The following SLC60A1 variants were observed in gnomAD, a reference collection of about 807,000 sequenced individuals.
SLC60A1 encodes major facilitator superfamily domain containing 4.
the SLC60A1 span, among the ~76,000 whole-genome samples, chr1:205,584,659 G>C: frequency 6.6e-6 from 1 of 151,520 alleles, no homozygotes; most frequent in African/African-American, 2.4e-5. Context: ...CTTGCCTTTT[G>C]TTACCTTGGG....
At chr1:205,599,001 T>C in the SLC60A1 span, 1 of 1,220,922 alleles carries the variant, frequency 8.2e-7, no homozygotes, top group Non-Finnish European at 1.2e-6. Context: ...TCCCCGTGAT[T>C]CCATCTCTTG....
the SLC60A1 span, among the ~76,000 whole-genome samples, chr1:205,590,997 C>T: frequency 6.6e-6 from 1 of 152,192 alleles, no homozygotes; most frequent in East Asian, 1.9e-4. Context: ...CTTCTGGGTT[C>T]CACAGCTGGT....
chr1:205,587,751 G>A, the SLC60A1 span, among the ~76,000 whole-genome samples: 11 of 152,128 alleles, frequency 7.2e-5, no homozygotes, highest in African/African-American at 1.9e-4. Flanking sequence ...GCTCAGCAAG[G>A]AGGAAGGCCC....
the SLC60A1 span, among the ~76,000 whole-genome samples, chr1:205,576,988 C>T: frequency 1.3e-5 from 2 of 152,144 alleles, no homozygotes; most frequent in Non-Finnish European, 2.9e-5. Context: ...CTCTTTATCC[C>T]TCCCTCCTGC....
the SLC60A1 span, chr1:205,600,726 G>T: frequency 4.4e-6 from 2 of 453,152 alleles, no homozygotes; most frequent in Non-Finnish European, 8.0e-6. Context: ...TGGGAAGGAA[G>T]GAGACAGCCG....
the SLC60A1 span, chr1:205,584,793 G>T: frequency 7.7e-7 from 1 of 1,293,678 alleles, no homozygotes; most frequent in South Asian, 1.2e-5. Context: ...GGGCTCTTCT[G>T]ACTGCCAGCC....
chr1:205,590,103 G>A, the SLC60A1 span, among the ~76,000 whole-genome samples: 1 of 152,184 alleles, frequency 6.6e-6, no homozygotes, highest in East Asian at 1.9e-4. Flanking sequence ...GTCATCCAGG[G>A]ACTGACTATA....
At chr1:205,577,988 A>G in the SLC60A1 span, among the ~76,000 whole-genome samples, 1 of 152,164 alleles carries the variant, frequency 6.6e-6, no homozygotes, top group African/African-American at 2.4e-5. The surrounding 1 kb of genome is among the most constrained non-coding windows in gnomAD (Gnocchi z 5.2). Context: ...TTCCTTTCCC[A>G]TACCTCTGCG....
the SLC60A1 span, among the ~76,000 whole-genome samples, chr1:205,577,461 GGTGGTGGAGCCAGCA>G: frequency 6.6e-6 from 1 of 152,242 alleles, no homozygotes; most frequent in South Asian, 2.1e-4. This position sits in a 1 kb window ranked among gnomAD's most constrained non-coding sequence, Gnocchi z 5.2. Context: ...TGGGGAAGCT[GGTGGTGGAGCCAGCA>G]GTGATGCTCG....
At chr1:205,582,051 G>C in the SLC60A1 span, among the ~76,000 whole-genome samples, 1 of 152,092 alleles carries the variant, frequency 6.6e-6, no homozygotes, top group African/African-American at 2.4e-5. Context: ...CCTTTCCCTG[G>C]CCCGAATCTC....
chr1:205,590,285 G>A, the SLC60A1 span, among the ~76,000 whole-genome samples: 1 of 152,242 alleles, frequency 6.6e-6, no homozygotes, highest in African/African-American at 2.4e-5. Flanking sequence ...AGAGTGAACA[G>A]AGGGGAAAGC....
At chr1:205,598,910 C>G in the SLC60A1 span, 3 of 584,040 alleles carry the variant, frequency 5.1e-6, no homozygotes, top group Non-Finnish European at 9.0e-6. Context: ...CAGGGGGTCA[C>G]CAGGTCCAGT....
At chr1:205,585,254 C>T in the SLC60A1 span, among the ~76,000 whole-genome samples, 1 of 152,176 alleles carries the variant, frequency 6.6e-6, no homozygotes, top group East Asian at 1.9e-4. The surrounding 1 kb of genome is among the most constrained non-coding windows in gnomAD (Gnocchi z 4.2). Flanking sequence ...AGGGGCCTAA[C>T]TGGTCTGTTG....
At chr1:205,583,158 G>T in the SLC60A1 span, among the ~76,000 whole-genome samples, 1 of 152,202 alleles carries the variant, frequency 6.6e-6, no homozygotes, top group African/African-American at 2.4e-5. Flanking sequence ...ACAAGCAGGG[G>T]CCCCTGAGGG....
At chr1:205,586,335 G>A in the SLC60A1 span, 3 of 1,153,982 alleles carry the variant, frequency 2.6e-6, no homozygotes, top group South Asian at 2.7e-5. Flanking sequence ...GGAGTAGAGG[G>A]AAGAGAGGAG....
At chr1:205,584,344 C>T in the SLC60A1 span, among the ~76,000 whole-genome samples, 1 of 151,444 alleles carries the variant, frequency 6.6e-6, no homozygotes, top group Non-Finnish European at 1.5e-5. Flanking sequence ...GTCTCAGCCT[C>T]CCAAGTTGCG....
the SLC60A1 span, chr1:205,602,568 G>C: frequency 6.6e-6 from 1 of 152,538 alleles, no homozygotes; most frequent in Non-Finnish European, 1.5e-5. Context: ...CCTCATAAGC[G>C]GCTTAGAAAT....
the SLC60A1 span, among the ~76,000 whole-genome samples, chr1:205,587,481 C>T: frequency 6.6e-6 from 1 of 151,972 alleles, no homozygotes; most frequent in Admixed American, 6.6e-5. Context: ...AGGTGATAAA[C>T]CCAAACGCAA....
the SLC60A1 span, chr1:205,592,240 C>T: frequency 1.2e-6 from 2 of 1,614,026 alleles, no homozygotes; most frequent in Non-Finnish European, 1.7e-6. Context: ...CTCAGCAGCA[C>T]CTTCCCCAGC....
Sources: gnomAD v4.1 joint callset for allele counts (sites outside exome capture counted in the v4.1 genomes callset) on GRCh38, gnomAD v4.1.1 for gene constraint, Gnocchi (gnomAD v3.1) non-coding constraint, MANE v1.5 for transcripts, NCBI Gene and HGNC (gene_info 2026-07-23, HGNC 2026-07-21) for gene names.